Variants in NAALADL2 observed in about 807,000 individuals in gnomAD.
NAALADL2 encodes inactive N-acetylated-alpha-linked acidic dipeptidase-like protein 2.
A neutral mutation model predicts 87.2 loss-of-function variants in NAALADL2; 76 were observed. The observed-to-expected ratio is 0.87, with a 90% CI of 0.72 to 1.05. NAALADL2 has a LOEUF of 1.05. Ranked by LOEUF, NAALADL2 falls within the 50% of genes least tolerant of loss-of-function variation. The pLI is 0.00. For synonymous variants in NAALADL2, 354 were observed against 331.0 expected (o/e 1.07, Z -0.75); for missense variants, 1,089 against 945.8 (o/e 1.15, Z -1.99).
chr3:174,945,017 G>T (rs996129458), intron 1 of NAALADL2, among the ~76,000 whole-genome samples: 1 of 152,094 alleles, frequency 6.6e-6, no homozygotes, highest in Non-Finnish European at 1.5e-5. Context: ...GTGAGAGGCA[G>T]CACACTAGCT....
intron 11 of NAALADL2, among the ~76,000 whole-genome samples, chr3:175,698,773 T>G (rs1379465301): frequency 6.6e-6 from 1 of 151,830 alleles, no homozygotes; most frequent in Non-Finnish European, 1.5e-5. Context: ...CTTTATAATC[T>G]TTGTAAGCAT....
At chr3:174,762,136 G>A (rs975704442) in intron 3 of NAALADL2, among the ~76,000 whole-genome samples, 7 of 150,716 alleles carry the variant, frequency 4.6e-5, no homozygotes, top group African/African-American at 1.2e-4. Flanking sequence ...TGTATCTGGG[G>A]AAGTGATTTT....
intron 1 of NAALADL2, among the ~76,000 whole-genome samples, chr3:174,541,688 C>T (rs530190470): frequency 6.6e-6 from 1 of 152,254 alleles, no homozygotes; most frequent in South Asian, 2.1e-4. Flanking sequence ...TCTTCCTACA[C>T]AACTCTTTCC....
In NAALADL2 at chr3:174,704,782, G is replaced by GA. The variant is rs566947276; in HGVS notation, c.-114-32857dup. Among the ~76,000 whole-genome samples the GA allele has an allele frequency of 1.1e-4, 17 of 152,054 alleles. No individual in the cohort carries two copies. The South Asian group carries it at 3.3e-3, about 30-fold the overall frequency. On this transcript the variant is annotated intron_variant, in intron 2 of 3. Transcript: ENST00000434257. ...TAATATCAGACCAATTCATATCATA[G>GA]AACAGTAAGTCCTCTCTTAACATAA... is the stretch of plus-strand genomic sequence containing the variant.
chr3:175,642,442 T>C (rs1729414962), intron 11 of NAALADL2, among the ~76,000 whole-genome samples: 1 of 152,158 alleles, frequency 6.6e-6, no homozygotes, highest in Middle Eastern at 3.2e-3. Context: ...CTTAACACTT[T>C]TGTTTTACAT....
chr3:174,692,539 C>A (rs937589956), intron 2 of NAALADL2, among the ~76,000 whole-genome samples: 1 of 152,072 alleles, frequency 6.6e-6, no homozygotes, highest in Non-Finnish European at 1.5e-5. Flanking sequence ...GATGAGAGTG[C>A]TGCTCATTCC....
chr3:175,178,441 C>T (rs10936825), intron 2 of NAALADL2, among the ~76,000 whole-genome samples: 110,413 of 151,872 alleles, frequency 0.73, 40,675 homozygotes, highest in Non-Finnish European at 0.8. Context: ...AAAATTGAGA[C>T]TGCTTCCAAG....
chr3:175,537,195 A>T (rs1159208757), intron 9 of NAALADL2, among the ~76,000 whole-genome samples: 2 of 152,214 alleles, frequency 1.3e-5, no homozygotes, highest in African/African-American at 4.8e-5. Flanking sequence ...GTAAGACCAG[A>T]TTTGTCTGAT....
At chr3:175,526,176 G>C (rs751650478) in intron 9 of NAALADL2, among the ~76,000 whole-genome samples, 2 of 152,164 alleles carry the variant, frequency 1.3e-5, no homozygotes, top group African/African-American at 2.4e-5. Flanking sequence ...ACTAGTGTTA[G>C]CACAGAGGAA....
intron 2 of NAALADL2, among the ~76,000 whole-genome samples, chr3:175,141,935 C>T (rs1297775461): frequency 1.3e-5 from 2 of 152,164 alleles, no homozygotes; most frequent in Non-Finnish European, 1.5e-5. Context: ...TCTCACAGAA[C>T]ATTTATATGT....
chr3:175,109,720 A>T (rs796468605), intron 2 of NAALADL2, among the ~76,000 whole-genome samples: 159 of 151,796 alleles, frequency 1.0e-3, no homozygotes, highest in African/African-American at 3.6e-3. Flanking sequence ...TTACCCAGCA[A>T]CTAACTGGTT....
chr3:175,698,483 T>TTTTTTATA (rs1398396262), intron 11 of NAALADL2, among the ~76,000 whole-genome samples: 40 of 67,740 alleles, frequency 5.9e-4, no homozygotes, highest in African/African-American at 3.6e-3. Flanking sequence ...GTATATATAT[T>TTTTTTATA]TATATATATA....
chr3:175,408,928 C>A (rs1388633992), intron 5 of NAALADL2, among the ~76,000 whole-genome samples: 1 of 151,900 alleles, frequency 6.6e-6, no homozygotes, highest in Admixed American at 6.6e-5. Flanking sequence ...TACACTTATT[C>A]ATAAACTATG....
At chr3:175,451,296 G>A (rs535354771) in intron 6 of NAALADL2, among the ~76,000 whole-genome samples, 28 of 151,972 alleles carry the variant, frequency 1.8e-4, no homozygotes, top group African/African-American at 6.8e-4. Context: ...AAATTGAAGT[G>A]GACAGCTGGG....
At chr3:174,930,910 C>A (rs1008179427) in intron 1 of NAALADL2, among the ~76,000 whole-genome samples, 1 of 151,930 alleles carries the variant, frequency 6.6e-6, no homozygotes, top group African/African-American at 2.4e-5. Flanking sequence ...GCATGAGCCA[C>A]CACGCCCGGC....
At chr3:175,762,840 T>C (rs1014380092) in intron 13 of NAALADL2, among the ~76,000 whole-genome samples, 1 of 152,000 alleles carries the variant, frequency 6.6e-6, no homozygotes, top group African/African-American at 2.4e-5. Context: ...TCCCAGCACT[T>C]TGGGAAGGCC....
chr3:175,605,896 C>T (rs1723668375), intron 10 of NAALADL2, among the ~76,000 whole-genome samples: 1 of 152,100 alleles, frequency 6.6e-6, no homozygotes, highest in Non-Finnish European at 1.5e-5. Context: ...TAACTACTTT[C>T]TTCAGAGTAT....
At chr3:174,891,251 G>A (rs2109791702) in intron 1 of NAALADL2, among the ~76,000 whole-genome samples, 1 of 152,068 alleles carries the variant, frequency 6.6e-6, no homozygotes, top group South Asian at 2.1e-4. Flanking sequence ...ACTCTAAGGT[G>A]GCAAAACAGA....
chr3:175,139,041 T>C (rs1463073545), intron 2 of NAALADL2, among the ~76,000 whole-genome samples: 1 of 151,324 alleles, frequency 6.6e-6, no homozygotes, highest in Admixed American at 6.6e-5. Context: ...ATATTTTTCT[T>C]TCTTTGAATT....
Sources: gnomAD v4.1 joint callset for allele counts (sites outside exome capture counted in the v4.1 genomes callset) on GRCh38, gnomAD v4.1.1 for gene constraint, MANE v1.5 for transcripts, NCBI Gene and HGNC (gene_info 2026-07-23, HGNC 2026-07-21) for gene names.